MACROD2: variants seen among roughly 807,000 people sequenced by gnomAD.
The protein encoded by MACROD2 is mono-ADP ribosylhydrolase 2.
Under a neutral mutation model 70.4 loss-of-function variants are expected in MACROD2, and 36 were observed. The observed-to-expected ratio is 0.51, with a 90% CI of 0.39 to 0.68. The LOEUF is 0.68. Ranked by LOEUF, MACROD2 falls within the 30% of genes least tolerant of loss-of-function variation. The pLI, the probability that MACROD2 is intolerant of heterozygous loss-of-function variation, is 0.00. For synonymous variants in MACROD2, 172 were observed against 178.8 expected, an observed-to-expected ratio of 0.96 and a Z score of 0.30; for missense variants, 496 against 538.4, an observed-to-expected ratio of 0.92 and a Z score of 0.78.
intron 6 of MACROD2, among the ~76,000 whole-genome samples, chr20:15,287,950 G>C (rs946981457): frequency 6.6e-6 from 1 of 152,156 alleles, no homozygotes; most frequent in African/African-American, 2.4e-5. Context: ...AAAAGATCAG[G>C]AACACTCTGC....
chr20:14,040,226 T>C (rs2053373455), intron 2 of MACROD2, among the ~76,000 whole-genome samples: 1 of 152,290 alleles, frequency 6.6e-6, no homozygotes, highest in Admixed American at 6.5e-5. Flanking sequence ...ACACCTAGGC[T>C]ATATGGTTAT....
chr20:15,761,228 T>A (rs1301257663), intron 8 of MACROD2, among the ~76,000 whole-genome samples: 1 of 152,096 alleles, frequency 6.6e-6, no homozygotes, highest in Non-Finnish European at 1.5e-5. Context: ...ATATTTTTAG[T>A]AGAGATGGGG....
intron 4 of MACROD2, among the ~76,000 whole-genome samples, chr20:14,515,463 A>ACACACACGCGCGCGTGCGCG (rs34190778): frequency 7.2e-6 from 1 of 138,822 alleles, no homozygotes; most frequent in African/African-American, 2.9e-5. Flanking sequence ...ATACACACAC[A>ACACACACGCGCGCGTGCGCG]CGCACACACA....
rs576117795 is a variant in MACROD2 at position 15,066,111 on chromosome 20, C to CTTTTTTTT, written c.419-163824_419-163817dup. 3.5e-5 allele frequency among the ~76,000 whole-genome samples: 5 copies of CTTTTTTTT among 142,662 alleles called. 1 individual carries two copies. The highest frequency in any genetic ancestry group is 1.4e-4 in the Admixed American group (2 of 14,298). The allele number at this position is 142,662 out of a possible 152,430, so 93.6% of individuals were successfully genotyped here. On this transcript the variant is annotated intron_variant, in intron 5 of 17. Coordinates refer to ENST00000684519, the MANE Select transcript of MACROD2 (RefSeq NM_001351661.2). Reference sequence around the variant, plus strand: ...GGAAAGTGAAAACAAGAGCTGCTTTCTTTTTTTTTTTTATTTTTAATTTTT... The same window carrying CTTTTTTTT: ...GGAAAGTGAAAACAAGAGCTGCTTTCTTTTTTTTTTTTTTTTTTTTATTTTTAATTTTT...
chr20:15,365,798 T>G (rs2146253490), intron 6 of MACROD2, among the ~76,000 whole-genome samples: 1 of 152,304 alleles, frequency 6.6e-6, no homozygotes, highest in Non-Finnish European at 1.5e-5. Context: ...AGAAAATTGA[T>G]TACATAATTA....
At chr20:14,273,530 C>T (rs1439549825) in intron 3 of MACROD2, among the ~76,000 whole-genome samples, 1 of 146,828 alleles carries the variant, frequency 6.8e-6, no homozygotes, top group East Asian at 2.0e-4. Flanking sequence ...TAAATGCCCA[C>T]AAGAGAAAGC....
chr20:15,310,176 G>A (rs780435813), intron 6 of MACROD2, among the ~76,000 whole-genome samples: 9 of 152,150 alleles, frequency 5.9e-5, no homozygotes, highest in African/African-American at 1.9e-4. Context: ...AAGGTGCCTG[G>A]CAGAAAGCCT....
intron 5 of MACROD2, among the ~76,000 whole-genome samples, chr20:14,704,015 A>C (rs1454104161): frequency 6.6e-6 from 1 of 152,134 alleles, no homozygotes; most frequent in East Asian, 1.9e-4. Context: ...GGTGTGAGCC[A>C]CCGCATCTGG....
chr20:14,076,604 G>A (rs1009537478), intron 2 of MACROD2, among the ~76,000 whole-genome samples: 5 of 152,096 alleles, frequency 3.3e-5, no homozygotes, highest in South Asian at 2.1e-4. Context: ...GCTTGAGCCC[G>A]GGAGTTGGAG....
At chr20:15,943,039 A>G (rs1443529418) in intron 12 of MACROD2, among the ~76,000 whole-genome samples, 1 of 152,156 alleles carries the variant, frequency 6.6e-6, no homozygotes, top group Non-Finnish European at 1.5e-5. Flanking sequence ...CACCTGGCAA[A>G]GGATTTATTA....
intron 10 of MACROD2, among the ~76,000 whole-genome samples, chr20:15,927,733 T>C (rs73900808): frequency 0.015 from 2,307 of 152,230 alleles, 44 homozygotes; most frequent in African/African-American, 0.047. Flanking sequence ...GCAGCCAACA[T>C]GGAAACTTTT....
chr20:14,821,527 G>A (rs1364782598), intron 5 of MACROD2, among the ~76,000 whole-genome samples: 1 of 152,030 alleles, frequency 6.6e-6, no homozygotes, highest in Non-Finnish European at 1.5e-5. Flanking sequence ...TGATTTCAAT[G>A]TGCAGTCAAG....
intron 4 of MACROD2, among the ~76,000 whole-genome samples, chr20:14,664,877 A>G (rs150772404): frequency 3.4e-3 from 518 of 152,246 alleles, no homozygotes; most frequent in Non-Finnish European, 5.5e-3. Flanking sequence ...TTGATGGACA[A>G]GAAATTCACC....
At chr20:14,730,626 T>C (rs1192755080) in intron 5 of MACROD2, among the ~76,000 whole-genome samples, 1 of 152,150 alleles carries the variant, frequency 6.6e-6, no homozygotes. Context: ...ATTTCTACGT[T>C]ATGCACTTCA....
chr20:14,747,398 A>C (rs2071813247), intron 5 of MACROD2, among the ~76,000 whole-genome samples: 1 of 152,184 alleles, frequency 6.6e-6, no homozygotes, highest in Admixed American at 6.5e-5. Context: ...ATAAGTTGTC[A>C]GGATGTAGTG....
At chr20:15,707,319 C>T (rs979232996) in intron 8 of MACROD2, among the ~76,000 whole-genome samples, 2 of 152,114 alleles carry the variant, frequency 1.3e-5, no homozygotes, top group African/African-American at 2.4e-5. Context: ...ATAACTTGTA[C>T]CAGGTGACTG....
intron 3 of MACROD2, among the ~76,000 whole-genome samples, chr20:14,423,334 GT>G (rs2083895843): frequency 6.6e-6 from 1 of 151,634 alleles, no homozygotes; most frequent in African/African-American, 2.4e-5. Context: ...CTCCATAAAA[GT>G]AGGTTTAGAC....
chr20:14,349,577 T>A lies in MACROD2; in HGVS notation c.272-143902T>A, dbSNP rs185366747. 4.2e-4 allele frequency among the ~76,000 whole-genome samples: 57 copies of A among 135,268 alleles called. No individual in the cohort carries two copies. In the East Asian group the frequency reaches 7.9e-3, roughly 19 times the overall value. 88.7% of individuals were successfully genotyped at this position (135,268 alleles called of 152,430 possible). ...ATATTAACATTATATATATATATATTGTACCTATTAACCATCCCCACCCAC... is the reference window on the plus strand; with the variant it reads ...ATATTAACATTATATATATATATATAGTACCTATTAACCATCCCCACCCAC... On this transcript the variant is annotated intron_variant, in intron 3 of 17. Coordinates refer to ENST00000684519, the MANE Select transcript of MACROD2 (RefSeq NM_001351661.2).
intron 8 of MACROD2, among the ~76,000 whole-genome samples, chr20:15,708,472 A>G (rs551616918): frequency 6.6e-6 from 1 of 152,178 alleles, no homozygotes; most frequent in South Asian, 2.1e-4. Flanking sequence ...GGGACAGAGC[A>G]CAGACATGCT....
Sources: gnomAD v4.1 joint callset for allele counts (sites outside exome capture counted in the v4.1 genomes callset) on GRCh38, gnomAD v4.1.1 for gene constraint, MANE v1.5 for transcripts, NCBI Gene and HGNC (gene_info 2026-07-23, HGNC 2026-07-21) for gene names.